The following XRCC4 variants were observed in gnomAD, a reference collection of about 807,000 sequenced individuals.
XRCC4 encodes DNA repair protein XRCC4.
A neutral mutation model predicts 39.1 loss-of-function variants in XRCC4; 28 were observed. The observed-to-expected ratio is 0.72, with a 90% confidence interval of 0.53 to 0.98. XRCC4 has a LOEUF of 0.98. Among genes scored for constraint, XRCC4 ranks in the 50% least tolerant of loss-of-function variants. The pLI is 0.00. For missense variants in XRCC4, 350 were observed against 376.4 expected, an observed-to-expected ratio of 0.93 and a Z score of 0.58; for synonymous variants, 123 against 126.4, an observed-to-expected ratio of 0.97 and a Z score of 0.18.
chr5:83,308,284 T>C (rs1459681982), intron 7 of XRCC4, among the ~76,000 whole-genome samples: 1 of 152,168 alleles, frequency 6.6e-6, no homozygotes, highest in Non-Finnish European at 1.5e-5. Flanking sequence ...TCATTTAATA[T>C]AATAGACATA....
intron 6 of XRCC4, among the ~76,000 whole-genome samples, chr5:83,246,500 G>T (rs1207601714): frequency 2.0e-5 from 3 of 152,024 alleles, no homozygotes; most frequent in African/African-American, 7.2e-5. Flanking sequence ...AAAAGTTTGT[G>T]TCTTTTATAT....
chr5:83,362,204 T>C, the XRCC4 span, among the ~76,000 whole-genome samples: 1 of 148,910 alleles, frequency 6.7e-6, no homozygotes, highest in Non-Finnish European at 1.5e-5. Context: ...TGAAGTAATA[T>C]GATTATCAAA....
At chr5:83,226,438 A>G (rs1752294083) in intron 6 of XRCC4, among the ~76,000 whole-genome samples, 1 of 152,048 alleles carries the variant, frequency 6.6e-6, no homozygotes, top group South Asian at 2.1e-4. Context: ...AAGGGGTTTG[A>G]AGTTCCTGGA....
At chr5:83,143,840 T>G (rs1255614762) in intron 3 of XRCC4, among the ~76,000 whole-genome samples, 1 of 152,146 alleles carries the variant, frequency 6.6e-6, no homozygotes, top group Non-Finnish European at 1.5e-5. Flanking sequence ...TTGACTGCTT[T>G]TAATATTTTC....
intron 7 of XRCC4, among the ~76,000 whole-genome samples, chr5:83,291,460 T>C (rs1754917633): frequency 6.6e-6 from 1 of 151,804 alleles, no homozygotes; most frequent in South Asian, 2.1e-4. Context: ...TTGGAAAGGA[T>C]AAGAAAGAAC....
intron 3 of XRCC4, among the ~76,000 whole-genome samples, chr5:83,178,293 A>G (rs1272420732): frequency 6.6e-6 from 1 of 152,166 alleles, no homozygotes; most frequent in African/African-American, 2.4e-5. Flanking sequence ...TGAAGGTCAG[A>G]ATACTGATCT....
chr5:83,110,061 CT>C (rs1174669983), intron 2 of XRCC4, among the ~76,000 whole-genome samples: 2 of 151,910 alleles, frequency 1.3e-5, no homozygotes, highest in Non-Finnish European at 2.9e-5. Flanking sequence ...GAGAAATTAA[CT>C]TTCAAAACTA....
At chr5:83,313,967 TA>T (rs1219739103) in intron 7 of XRCC4, among the ~76,000 whole-genome samples, 11 of 152,120 alleles carry the variant, frequency 7.2e-5, no homozygotes, top group Admixed American at 6.6e-4. Flanking sequence ...GCTTTCTGAG[TA>T]AAGAATTTCT....
At position 83,111,120 on chromosome 5, in the gene XRCC4, G is replaced by C; in HGVS notation, c.232G>C (p.Ala78Pro). The part of the protein sequence containing the change: ...GELRKALLSG[A>P]GPADVYTFNF... ...ACTGAGAAAAGCATTGTTGTCAGGA[G>C]CAGGACCAGCTGATGTATACACGTT... The change falls in exon 3 of 8, where the codon GCA becomes CCA. Residue 78 changes from alanine to proline, a missense_variant. Transcript: ENST00000396027. 1 of 1,611,482 alleles carries C rather than the reference G, an allele frequency of 6.2e-7. No individual in the cohort carries two copies. The highest frequency in any genetic ancestry group is 8.5e-7 in the Non-Finnish European group (1 of 1,178,810).
chr5:83,311,780 A>G (rs752596686), intron 7 of XRCC4, among the ~76,000 whole-genome samples: 1 of 152,084 alleles, frequency 6.6e-6, no homozygotes, highest in Non-Finnish European at 1.5e-5. Flanking sequence ...CACTAATTTA[A>G]GTAGGCCCTT....
At chr5:83,219,891 T>C (rs1210753376) in intron 6 of XRCC4, among the ~76,000 whole-genome samples, 1 of 152,176 alleles carries the variant, frequency 6.6e-6, no homozygotes, top group East Asian at 1.9e-4. Flanking sequence ...AATTTAAAAT[T>C]TTATATGAAA....
intron 7 of XRCC4, among the ~76,000 whole-genome samples, chr5:83,341,331 C>A (rs1756752496): frequency 6.6e-6 from 1 of 152,132 alleles, no homozygotes; most frequent in Non-Finnish European, 1.5e-5. Flanking sequence ...CATACACACA[C>A]ATACACACAT....
intron 7 of XRCC4, among the ~76,000 whole-genome samples, chr5:83,325,744 A>C (rs200993979): frequency 6.6e-6 from 1 of 151,962 alleles, no homozygotes; most frequent in Admixed American, 6.6e-5. Context: ...TGTCTTTGCT[A>C]TTGTGAATAG....
chr5:83,153,679 C>T (rs1748825571), intron 3 of XRCC4, among the ~76,000 whole-genome samples: 1 of 152,022 alleles, frequency 6.6e-6, no homozygotes, highest in Non-Finnish European at 1.5e-5. Context: ...ACATGCATTG[C>T]TGGTTAGAAT....
chr5:83,163,161 G>A (rs2112591437), intron 3 of XRCC4, among the ~76,000 whole-genome samples: 1 of 151,988 alleles, frequency 6.6e-6, no homozygotes, highest in South Asian at 2.1e-4. Context: ...TGGCCAGGTT[G>A]GTCTTGAACT....
At chr5:83,148,223 T>A (rs1268664331) in intron 3 of XRCC4, among the ~76,000 whole-genome samples, 1 of 152,176 alleles carries the variant, frequency 6.6e-6, no homozygotes, top group East Asian at 1.9e-4. Context: ...TATATAAAAT[T>A]GTTTTGCATT....
chr5:83,183,502 A>G (rs977509310), intron 3 of XRCC4, among the ~76,000 whole-genome samples: 2 of 150,620 alleles, frequency 1.3e-5, no homozygotes, highest in Admixed American at 6.7e-5. Flanking sequence ...CTAGCACTCA[A>G]TATGTGGACT....
chr5:83,334,074 T>A (rs979620147), intron 7 of XRCC4, among the ~76,000 whole-genome samples: 3 of 151,956 alleles, frequency 2.0e-5, no homozygotes, highest in African/African-American at 7.3e-5. Flanking sequence ...AGCCTAAACC[T>A]TTTTTTTCTT....
At position 83,111,047 on chromosome 5, in the gene XRCC4, C is replaced by T. The variant is rs1219764100; in HGVS notation, c.159C>T (p.Ser53=). 1.2e-6 allele frequency: 2 copies of T among 1,604,860 alleles called. No homozygotes were observed. The highest frequency in any genetic ancestry group is 2.7e-5 in the African/African-American group (2 of 74,322). The part of the protein sequence containing the change: ...WTGTVSESEI[S]QEADDMAMEK... ...CCATAGTTTCTGAATCAGAGATTTC[C>T]CAAGAAGCTGATGACATGGCAATGG... The change falls in exon 3 of 8, where the codon TCC becomes TCT. Residue 53 remains serine (S), a synonymous_variant. Transcript: ENST00000396027.
Sources: allele counts gnomAD v4.1 joint callset (sites outside exome capture counted in the v4.1 genomes callset), GRCh38; gene constraint gnomAD v4.1.1; transcripts MANE v1.5; gene names NCBI Gene and HGNC (gene_info 2026-07-23, HGNC 2026-07-21).